Variants in TAP1 observed in about 807,000 individuals in gnomAD.
TAP1 encodes the protein antigen peptide transporter 1.
TAP1 carries 56 observed loss-of-function variants against 79.3 expected under a neutral mutation model. That is an observed-to-expected ratio of 0.71 (90% CI 0.57 to 0.88). TAP1 has a LOEUF of 0.88. Ranked by LOEUF, TAP1 falls within the 40% of genes least tolerant of loss-of-function variation. The pLI, the probability that TAP1 is intolerant of heterozygous loss-of-function variation, is 0.00. For synonymous variants in TAP1, 355 were observed against 401.4 expected (o/e 0.88, Z 1.38); for missense variants, 737 against 936.3 (o/e 0.79, Z 2.78).
chr6:32,852,583 C>T lies in TAP1; in HGVS notation c.599-81G>A. 1 of 1,582,498 alleles carries T rather than the reference C, an allele frequency of 6.3e-7. No homozygotes were observed. The highest frequency in any genetic ancestry group is 1.9e-5 in the Admixed American group (1 of 54,052). The stretch of plus-strand genomic sequence containing the variant: ...CAGTCAGACTGGCCCCACCACGCCT[C>T]CTCCCCCTCACCATTATCCTGGAGG... On this transcript the variant is annotated intron_variant, in intron 1 of 10. Transcript: ENST00000354258. This position sits in a 1 kb window ranked among gnomAD's most constrained non-coding sequence, Gnocchi z 4.8.
Position 32,847,252 on chromosome 6 carries a change from A to G in TAP1, c.1904-48T>C, listed in dbSNP as rs1321305876. The G allele has an allele frequency of 6.2e-7, 1 of 1,606,796 alleles. No homozygotes were observed. Among genetic ancestry groups the G allele is most frequent in the African/African-American group, 1.3e-5 (1 of 74,468 alleles). ...GAGAACGGTATAGCCACATGTGTGC[A>G]CGCATGTACATGCACACAGACACAC... On this transcript the variant is annotated intron_variant, in intron 9 of 10. Transcript: ENST00000354258. The surrounding 1 kb of genome is among the most constrained non-coding windows in gnomAD (Gnocchi z 4.7).
In TAP1 at chr6:32,848,087, C is replaced by T; in HGVS notation, c.1572G>A (p.Leu524=). 1 of 1,602,020 alleles carries T rather than the reference C, an allele frequency of 6.2e-7. No individual in the cohort carries two copies. The highest frequency in any genetic ancestry group is 8.5e-7 in the Non-Finnish European group (1 of 1,174,478). The change falls in exon 8 of 11, where the codon CTG becomes CTA. Residue 524 remains leucine (L), a synonymous_variant. Transcript: ENST00000354258. ...CCTCGCCAGGGCGTAGGGTGAATGTCAGCCCCTAGAGGCCAGAGAAGCACA... is the reference window on the plus strand; with the variant it reads ...CCTCGCCAGGGCGTAGGGTGAATGTTAGCCCCTAGAGGCCAGAGAAGCACA... ...NRPDVLVLQG[L]TFTLRPGEVT...
Position 32,853,561 on chromosome 6 carries a change from C to T in TAP1, c.76G>A (p.Val26Ile). 1.2e-6 allele frequency: 2 copies of T among 1,612,332 alleles called. No individual in the cohort carries two copies. Among genetic ancestry groups the T allele is most frequent in the Non-Finnish European group, 8.5e-7 (1 of 1,179,506 alleles). ...ACCCAGTCGGCGAGAAGTAGCAGTACTGTCCCCAGCCATGCGAGAGAAGCT... is the reference window on the plus strand; with the variant it reads ...ACCCAGTCGGCGAGAAGTAGCAGTATTGTCCCCAGCCATGCGAGAGAAGCT... Reference protein sequence around the residue: ...PGASLAWLGTVLLLLADWVLL... With the variant: ...PGASLAWLGTILLLLADWVLL... Residue 26 changes from valine (V) to isoleucine (I), a missense_variant, in exon 1 of 11, where the codon GTA (valine) becomes ATA (isoleucine). Physicochemically the swap from Val to Ile is conservative, Grantham distance 29. This residue lies in a region of TAP1 where 45 missense variants were observed against 60.2 expected (regional missense o/e 0.75). Coordinates refer to ENST00000354258, the MANE Select transcript of TAP1 (RefSeq NM_000593.6). The surrounding 1 kb of genome is among the most constrained non-coding windows in gnomAD (Gnocchi z 8.3).
chr6:32,848,143 G>A (rs1285243578), intron 7 of TAP1, 51 bp from the exon 8 acceptor site: 2 of 1,553,422 alleles, frequency 1.3e-6, no homozygotes, highest in African/African-American at 2.7e-5. Flanking sequence ...CTCTAACCTT[G>A]AGAGTGTCAT....
rs967943179 is a variant in TAP1, at chr6:32,847,678, G to T, written c.1741-3C>A. The T allele has an allele frequency of 6.2e-7, 1 of 1,613,652 alleles. No homozygotes were observed. The highest frequency in any genetic ancestry group is 8.5e-7 in the Non-Finnish European group (1 of 1,179,986). ...GGCTCTTGTCCCACTGCAGCCACCT[G>T]AGATGAAATATGATGAAGAGTCATA... is the stretch of plus-strand genomic sequence containing the variant. On this transcript the variant is annotated splice_polypyrimidine_tract_variant and splice_region_variant and intron_variant, in intron 8 of 10. Coordinates refer to ENST00000354258, the MANE Select transcript of TAP1 (RefSeq NM_000593.6). This position sits in a 1 kb window ranked among gnomAD's most constrained non-coding sequence, Gnocchi z 4.7.
In TAP1 at chr6:32,853,618, G is replaced by C; in HGVS notation, c.19C>G (p.Pro7Ala). 1 of 1,612,054 alleles carries C rather than the reference G, an allele frequency of 6.2e-7. No homozygotes were observed. The highest frequency in any genetic ancestry group is 1.3e-5 in the African/African-American group (1 of 75,044). Residue 7 changes from proline to alanine, a missense_variant, in exon 1 of 11, where the codon CCC becomes GCC. Transcript: ENST00000354258. This position sits in a 1 kb window ranked among gnomAD's most constrained non-coding sequence, Gnocchi z 8.3. Reference sequence around the variant, plus strand: ...AGGCAGCGGCACCCGCGGGGAGCGGGACACCTAGAGCTAGCCATTGGCACT... The same window carrying C: ...AGGCAGCGGCACCCGCGGGGAGCGGCACACCTAGAGCTAGCCATTGGCACT... MASSRCPAPRGCRCLPG... is the reference protein window; with the variant it reads MASSRCAAPRGCRCLPG...
At chr6:32,846,587 A>AG in intron 10 of TAP1, 2 of 275,366 alleles carry the variant, frequency 7.3e-6, no homozygotes, top group South Asian at 7.5e-5. Flanking sequence ...TGGGAGGCTG[A>AG]GGGGGGCAGA....
rs984036593 is a variant in TAP1, at chr6:32,852,724, G to C, written c.599-222C>G. On this transcript the variant is annotated intron_variant, in intron 1 of 10. Transcript: ENST00000354258. The surrounding 1 kb of genome is among the most constrained non-coding windows in gnomAD (Gnocchi z 4.8). The stretch of plus-strand genomic sequence containing the variant: ...TTTCAGGATTTTATTAGGAAGGCTG[G>C]AGATCATGAAGTAGAAAAGCCTCCT... 8.9e-6 allele frequency: 13 copies of C among 1,454,476 alleles called. No homozygotes were observed. The African/African-American group carries it at 1.7e-4, about 19-fold the overall frequency. 90.1% of individuals were successfully genotyped at this position (1,454,476 alleles called of 1,614,324 possible).
Position 32,847,150 on chromosome 6 carries a change from A to T in TAP1, c.1958T>A (p.Leu653Ter). 6.2e-7 allele frequency: 1 copy of T among 1,612,942 alleles called. No homozygotes were observed. Among genetic ancestry groups the T allele is most frequent in the Admixed American group, 1.7e-5 (1 of 60,030 alleles). Residue 653 changes from leucine (L) to a stop codon, truncating the protein, a stop_gained, in exon 10 of 11, where the codon TTG (leucine) becomes TAG (stop). Coordinates refer to ENST00000354258, the MANE Select transcript of TAP1 (RefSeq NM_000593.6). LOFTEE classifies it high-confidence loss of function. The surrounding 1 kb of genome is among the most constrained non-coding windows in gnomAD (Gnocchi z 4.7). ...LSGGQRQAVA[L>*]ARALIRKPCV... Reference sequence around the variant, plus strand: ...CGGTTTCCGGATCAATGCTCGGGCCAACGCCACTGCCTGTCGCTGACCCCC... The same window carrying T: ...CGGTTTCCGGATCAATGCTCGGGCCTACGCCACTGCCTGTCGCTGACCCCC...
Position 32,848,989 on chromosome 6 carries a change from C to T in TAP1, c.1377+1G>A. The T allele has an allele frequency of 1.2e-6, 2 of 1,612,564 alleles. No homozygotes were observed. Among genetic ancestry groups the T allele is most frequent in the Non-Finnish European group, 1.7e-6 (2 of 1,179,546 alleles). On this transcript the variant is annotated splice_donor_variant, in intron 6 of 10. Coordinates refer to ENST00000354258, the MANE Select transcript of TAP1 (RefSeq NM_000593.6). LOFTEE classifies it high-confidence loss of function. ...GGGGAGTGAAGGTGGAGGGACCTCACCTCCACAGCCTGGGTGAACTGCATC... is the reference window on the plus strand; with the variant it reads ...GGGGAGTGAAGGTGGAGGGACCTCATCTCCACAGCCTGGGTGAACTGCATC...
Position 32,851,924 on chromosome 6 carries a change from T to TGTGTGTGTGAGA in TAP1, c.844+184_844+185insTCTCACACACAC, listed in dbSNP as rs1554246364. 3.4e-5 allele frequency among the ~76,000 whole-genome samples: 5 copies of TGTGTGTGTGAGA among 147,436 alleles called. No homozygotes were observed. In the East Asian group the frequency reaches 8.0e-4, roughly 23 times the overall value. The stretch of plus-strand genomic sequence containing the variant: ...AAAAACAATTGTGTGTGTGTGTGTG[T>TGTGTGTGTGAGA]GAGAGAGAGAGAGAGAGAGACAGAG... On this transcript the variant is annotated intron_variant, in intron 3 of 10. Transcript: ENST00000354258. The surrounding 1 kb of genome is among the most constrained non-coding windows in gnomAD (Gnocchi z 4.8).
chr6:32,849,791 CAAAT>C (rs768712876), intron 5 of TAP1: 256 of 154,206 alleles, frequency 1.7e-3, no homozygotes, highest in Middle Eastern at 3.4e-3. Flanking sequence ...AACAAACAAA[CAAAT>C]AAATAAATAA....
rs1303100715 is a variant in TAP1, at chr6:32,851,725, T to C, written c.844+384A>G. Among the ~76,000 whole-genome samples the C allele has an allele frequency of 6.6e-6, 1 of 152,210 alleles. No homozygotes were observed. Among genetic ancestry groups the C allele is most frequent in the African/African-American group, 2.4e-5 (1 of 41,456 alleles). Reference sequence around the variant, plus strand: ...GGGTCTTGGCCTCAGTTTCCTTCTCTGTCAGATGAGGCAGTTGGTCTCTAT... The same window carrying C: ...GGGTCTTGGCCTCAGTTTCCTTCTCCGTCAGATGAGGCAGTTGGTCTCTAT... On this transcript the variant is annotated intron_variant, in intron 3 of 10. Coordinates refer to ENST00000354258, the MANE Select transcript of TAP1 (RefSeq NM_000593.6). The surrounding 1 kb of genome is among the most constrained non-coding windows in gnomAD (Gnocchi z 4.8).
rs1017758062 is a variant in TAP1, at chr6:32,849,971, A to G, written c.1248+349T>C. The G allele has an allele frequency of 2.0e-5, 8 of 401,584 alleles. No homozygotes were observed. The Admixed American group carries it at 3.0e-4, about 15-fold the overall frequency. The allele number at this position is 401,584 out of a possible 1,614,324, so 24.9% of individuals were successfully genotyped here. The stretch of plus-strand genomic sequence containing the variant: ...CTATTCCCATCACTCTCACTAACAA[A>G]TCTACAAGGTACCAGCATGAAGCAG... On this transcript the variant is annotated intron_variant, in intron 5 of 10. Coordinates refer to ENST00000354258, the MANE Select transcript of TAP1 (RefSeq NM_000593.6).
Position 32,852,414 on chromosome 6 carries a change from A to G in TAP1, c.687T>C (p.Thr229=). 1 of 1,612,974 alleles carries G rather than the reference A, an allele frequency of 6.2e-7. No homozygotes were observed. The highest frequency in any genetic ancestry group is 8.5e-7 in the Non-Finnish European group (1 of 1,180,012). Residue 229 remains threonine (T), a synonymous_variant, in exon 2 of 11, where the codon ACT becomes ACC. Transcript: ENST00000354258. This position sits in a 1 kb window ranked among gnomAD's most constrained non-coding sequence, Gnocchi z 4.8. The part of the protein sequence containing the change: ...GSADTFTRNL[T]LMSILTIASA... ...TGGCTATGGTGAGAATGGACATGAG[A>G]GTTAAGTTTCGAGTGAAGGTATCGG...
In TAP1 at chr6:32,850,897, C is replaced by G. The variant is rs984957026; in HGVS notation, c.1050+47G>C. 3.9e-6 allele frequency: 6 copies of G among 1,544,040 alleles called. No individual in the cohort carries two copies. Among genetic ancestry groups the G allele is most frequent in the Admixed American group, 1.7e-5 (1 of 59,896 alleles). On this transcript the variant is annotated intron_variant, in intron 4 of 10. Coordinates refer to ENST00000354258, the MANE Select transcript of TAP1 (RefSeq NM_000593.6). This position sits in a 1 kb window ranked among gnomAD's most constrained non-coding sequence, Gnocchi z 5.5. ...GTGAGAGGAACTGAGTCTGCCAAGT[C>G]TGGGAGATGAGGGTCTGTGTAGAGC...
chr6:32,851,973 G>A lies in TAP1; in HGVS notation c.844+136C>T. The stretch of plus-strand genomic sequence containing the variant: ...AGACAGAGAGAGAGAGACAGGGAGA[G>A]GGTATATCAAGAATGAGAAGGAACA... On this transcript the variant is annotated intron_variant, in intron 3 of 10. Transcript: ENST00000354258. The surrounding 1 kb of genome is among the most constrained non-coding windows in gnomAD (Gnocchi z 4.8). 5 of 1,099,546 alleles carry A rather than the reference G, an allele frequency of 4.5e-6. No individual in the cohort carries two copies. Among genetic ancestry groups the A allele is most frequent in the Non-Finnish European group, 6.8e-6 (5 of 739,730 alleles). The allele number at this position is 1,099,546 out of a possible 1,614,324, so 68.1% of individuals were successfully genotyped here.
At chr6:32,846,408 G>C (rs1033813326) in intron 10 of TAP1, 1 of 166,402 alleles carries the variant, frequency 6.0e-6, no homozygotes, top group Admixed American at 5.5e-5. Flanking sequence ...GATCACTTGG[G>C]CCCAGGAGTT....
chr6:32,845,910 C>G lies in TAP1; in HGVS notation c.2041-125G>C. ...GGCTCTGCTAACAACCCCAAGGACA[C>G]CAACGTTTCCCATTCTGAGTACTTC... On this transcript the variant is annotated intron_variant, in intron 10 of 10. Transcript: ENST00000354258. This position sits in a 1 kb window ranked among gnomAD's most constrained non-coding sequence, Gnocchi z 4.5. 1 of 751,218 alleles carries G rather than the reference C, an allele frequency of 1.3e-6. No individual in the cohort carries two copies. The highest frequency in any genetic ancestry group is 2.3e-6 in the Non-Finnish European group (1 of 433,640). 46.5% of individuals were successfully genotyped at this position (751,218 alleles called of 1,614,324 possible).
Sources: allele counts gnomAD v4.1 joint callset (sites outside exome capture counted in the v4.1 genomes callset), GRCh38; gene constraint gnomAD v4.1.1; regional missense constraint gnomAD v4.1.1; non-coding constraint Gnocchi (gnomAD v3.1); transcripts MANE v1.5; gene names NCBI Gene and HGNC (gene_info 2026-07-23, HGNC 2026-07-21).